The following ST8SIA1 variants were observed in gnomAD, a reference collection of about 807,000 sequenced individuals.
The protein encoded by ST8SIA1 is alpha-N-acetylneuraminide alpha-2,8-sialyltransferase.
In ST8SIA1, 16 loss-of-function variants were observed where a neutral mutation model predicts 35.9. That is an observed-to-expected ratio of 0.45 (90% CI 0.30 to 0.68). The LOEUF (loss-of-function observed/expected upper bound fraction) is 0.68. Ranked by LOEUF, ST8SIA1 falls within the 30% of genes least tolerant of loss-of-function variation. The pLI, the probability that ST8SIA1 is intolerant of heterozygous loss-of-function variation, is 0.09. For missense variants in ST8SIA1, 383 were observed against 453.6 expected, an observed-to-expected ratio of 0.84 and a Z score of 1.41; for synonymous variants, 170 against 169.6, an observed-to-expected ratio of 1.00 and a Z score of -0.02.
intron 3 of ST8SIA1, among the ~76,000 whole-genome samples, chr12:22,253,555 C>T (rs1865696863): frequency 6.6e-6 from 1 of 152,156 alleles, no homozygotes; most frequent in African/African-American, 2.4e-5. Flanking sequence ...TGTCTGAATT[C>T]CCCCACGGTA....
At chr12:22,239,188 A>C (rs999998538) in intron 4 of ST8SIA1, among the ~76,000 whole-genome samples, 1 of 152,106 alleles carries the variant, frequency 6.6e-6, no homozygotes, top group African/African-American at 2.4e-5. Context: ...GTCTGTTTGC[A>C]TTTTTAAAAA....
At chr12:22,223,110 T>C (rs1865318098) in intron 4 of ST8SIA1, among the ~76,000 whole-genome samples, 1 of 152,232 alleles carries the variant, frequency 6.6e-6, no homozygotes, top group African/African-American at 2.4e-5. Flanking sequence ...ATGAGAATTA[T>C]AAAATTAATT....
Position 22,201,359 on chromosome 12 carries a change from T to C in ST8SIA1, c.*193A>G. ...CTGCCATGTGCTATAAAGTATTTCA[T>C]AGGATGTTTCATTTCTTATTTGTCC... On this transcript the variant is annotated 3_prime_UTR_variant, in exon 5 of 5. Coordinates refer to ENST00000396037, the MANE Select transcript of ST8SIA1 (RefSeq NM_003034.4). 1.5e-6 allele frequency: 1 copy of C among 670,336 alleles called. No individual in the cohort carries two copies. The highest frequency in any genetic ancestry group is 2.4e-6 in the Non-Finnish European group (1 of 418,694). The allele number at this position is 670,336 out of a possible 1,614,324, so 41.5% of individuals were successfully genotyped here.
rs1864988862 is a variant in ST8SIA1, at chr12:22,196,404, A to G, written c.*5148T>C. ...CTCACCCCTAAGATGTATGTAAAAA[A>G]TTCAAAAGACAAGTCTGGGCTGAGG... is the stretch of plus-strand genomic sequence containing the variant. On this transcript the variant is annotated 3_prime_UTR_variant, in exon 5 of 5. Coordinates refer to ENST00000396037, the MANE Select transcript of ST8SIA1 (RefSeq NM_003034.4). 3 of 152,186 alleles carry G rather than the reference A, an allele frequency of 2.0e-5. No homozygotes were observed. Among genetic ancestry groups the G allele is most frequent in the African/African-American group, 7.2e-5 (3 of 41,454 alleles). 9.4% of individuals were successfully genotyped at this position (152,186 alleles called of 1,614,324 possible). A position where few individuals can be genotyped will look rare whatever the true frequency, so the allele number is the denominator to read the frequency against.
chr12:22,232,764 G>T (rs144883578), intron 4 of ST8SIA1, among the ~76,000 whole-genome samples: 1 of 151,976 alleles, frequency 6.6e-6, no homozygotes, highest in Non-Finnish European at 1.5e-5. Flanking sequence ...GTTTGAACCC[G>T]GGAGGCGGAG....
intron 2 of ST8SIA1, among the ~76,000 whole-genome samples, chr12:22,282,825 T>C (rs1866052766): frequency 6.6e-6 from 1 of 152,062 alleles, no homozygotes; most frequent in African/African-American, 2.4e-5. Flanking sequence ...GCCAAAAAGA[T>C]ATATGTCACG....
At position 22,195,188 on chromosome 12, in the gene ST8SIA1, CAAAAAAAAAA is replaced by C. The variant is rs1193617871; in HGVS notation, c.*6354_*6363del. 1 of 51,054 alleles carries C rather than the reference CAAAAAAAAAA, an allele frequency of 2.0e-5. No homozygotes were observed. Among genetic ancestry groups the C allele is most frequent in the Non-Finnish European group, 3.9e-5 (1 of 25,832 alleles). The allele number at this position is 51,054 out of a possible 1,614,324, so 3.2% of individuals were successfully genotyped here. A position where few individuals can be genotyped will look rare whatever the true frequency, so the allele number is the denominator to read the frequency against. ...ACAAGAGCAAAAAACTCTGTCTCAA[CAAAAAAAAAA>C]AAAAAAAAAAAAAAGAAAGAAAGAA... On this transcript the variant is annotated 3_prime_UTR_variant, in exon 5 of 5. Transcript: ENST00000396037.
In ST8SIA1 at chr12:22,311,797, C is replaced by T. The variant is rs1866452368; in HGVS notation, c.236+22200G>A. ...GCACGATCAATCAGCAGAGTACACA[C>T]AGCAAGCAAATAAACAATAATAGTT... On this transcript the variant is annotated intron_variant, in intron 1 of 4. Transcript: ENST00000396037. 2.0e-5 allele frequency among the ~76,000 whole-genome samples: 3 copies of T among 152,102 alleles called. No individual in the cohort carries two copies. In the South Asian group the frequency reaches 6.2e-4, roughly 31 times the overall value.
intron 1 of ST8SIA1, among the ~76,000 whole-genome samples, chr12:22,327,738 C>T (rs1866700392): frequency 1.3e-5 from 2 of 152,032 alleles, no homozygotes; most frequent in Admixed American, 6.5e-5. Flanking sequence ...TATAAATATC[C>T]TAAAACGCCT....
rs1326898409 is a variant in ST8SIA1, at chr12:22,193,835, CTAGTAG to C, written c.*7711_*7716del. 6.6e-6 allele frequency: 1 copy of C among 151,904 alleles called. No homozygotes were observed. Among genetic ancestry groups the C allele is most frequent in the East Asian group, 1.9e-4 (1 of 5,180 alleles). The allele number at this position is 151,904 out of a possible 1,614,324, so 9.4% of individuals were successfully genotyped here. ...TTCCCAGAATTATTATATCCATGAA[CTAGTAG>C]TCAGATTATATTATATGAGAAAAAA... On this transcript the variant is annotated 3_prime_UTR_variant, in exon 5 of 5. Coordinates refer to ENST00000396037, the MANE Select transcript of ST8SIA1 (RefSeq NM_003034.4).
intron 1 of ST8SIA1, among the ~76,000 whole-genome samples, chr12:22,304,384 C>T (rs150459082): frequency 4.0e-3 from 440 of 110,968 alleles, no homozygotes; most frequent in Middle Eastern, 0.011. Flanking sequence ...TCTCAGTTGA[C>T]TGAATTCTGT....
At chr12:22,325,677 C>T (rs1050788892) in intron 1 of ST8SIA1, 19 of 605,078 alleles carry the variant, frequency 3.1e-5, no homozygotes, top group African/African-American at 2.2e-4. Flanking sequence ...CCCTATATAC[C>T]GTTTTTTCCT....
At position 22,261,270 on chromosome 12, in the gene ST8SIA1, G is replaced by A. The variant is rs549396294; in HGVS notation, c.382-5881C>T. ...AGCAATTCTCCTGCCTCAGCCTCCC[G>A]TGTAGCTGGGATTACAGGTGCCCGC... On this transcript the variant is annotated intron_variant, in intron 2 of 4. Coordinates refer to ENST00000396037, the MANE Select transcript of ST8SIA1 (RefSeq NM_003034.4). Among the ~76,000 whole-genome samples the A allele has an allele frequency of 3.2e-4, 49 of 152,174 alleles. 2 individuals are homozygous for A. In the South Asian group the frequency reaches 8.3e-3, roughly 26 times the overall value.
chr12:22,332,323 T>C (rs1015674886), intron 1 of ST8SIA1, among the ~76,000 whole-genome samples: 3 of 152,222 alleles, frequency 2.0e-5, no homozygotes, highest in African/African-American at 7.2e-5. Context: ...TCAGCCTGTG[T>C]GTCTCAGAAT....
At chr12:22,313,396 C>T (rs913440367) in intron 1 of ST8SIA1, among the ~76,000 whole-genome samples, 1 of 151,974 alleles carries the variant, frequency 6.6e-6, no homozygotes, top group African/African-American at 2.4e-5. Flanking sequence ...TTGAGTTTTG[C>T]CAATGAAGGA....
chr12:22,276,570 C>T (rs145918312), intron 2 of ST8SIA1, among the ~76,000 whole-genome samples: 1 of 152,046 alleles, frequency 6.6e-6, no homozygotes, highest in African/African-American at 2.4e-5. Flanking sequence ...ACCACAGTGT[C>T]TTTATTTTTA....
chr12:22,267,087 T>G (rs146415820), intron 2 of ST8SIA1, among the ~76,000 whole-genome samples: 1 of 152,282 alleles, frequency 6.6e-6, no homozygotes, highest in African/African-American at 2.4e-5. Context: ...ATTTATTGAG[T>G]GCCAACTAAC....
At chr12:22,326,631 G>A (rs1186006618) in intron 1 of ST8SIA1, among the ~76,000 whole-genome samples, 3 of 152,162 alleles carry the variant, frequency 2.0e-5, no homozygotes, top group Non-Finnish European at 4.4e-5. Context: ...TTTTCCAGGT[G>A]GGAACAAACT....
At chr12:22,245,565 A>G (rs1865590688) in intron 4 of ST8SIA1, among the ~76,000 whole-genome samples, 1 of 152,256 alleles carries the variant, frequency 6.6e-6, no homozygotes, top group Admixed American at 6.5e-5. Flanking sequence ...TCATGGAGAA[A>G]GATCAGAAGG....
Sources: allele counts gnomAD v4.1 joint callset (sites outside exome capture counted in the v4.1 genomes callset), GRCh38; gene constraint gnomAD v4.1.1; transcripts MANE v1.5; gene names NCBI Gene and HGNC (gene_info 2026-07-23, HGNC 2026-07-21).